AHCYL2: variants seen among roughly 807,000 people sequenced by gnomAD.
AHCYL2 encodes the protein S-adenosylhomocysteine hydrolase-like protein 2.
AHCYL2 carries 28 observed loss-of-function variants against 81.4 expected under a neutral mutation model. The observed-to-expected ratio is 0.34, with a 90% CI of 0.25 to 0.47. AHCYL2 has a LOEUF of 0.47. Among genes scored for constraint, AHCYL2 ranks in the 20% least tolerant of loss-of-function variants. The pLI is 1.00. For missense variants in AHCYL2, 551 were observed against 785.1 expected (o/e 0.70, Z 3.56); for synonymous variants, 272 against 290.2 (o/e 0.94, Z 0.64).
chr7:129,254,743 G>A (rs1795353105), intron 1 of AHCYL2, among the ~76,000 whole-genome samples: 1 of 152,260 alleles, frequency 6.6e-6, no homozygotes, highest in African/African-American at 2.4e-5. Flanking sequence ...TCATTTCAGA[G>A]AAGATAGAAC....
chr7:129,276,776 G>T (rs1796225392), intron 1 of AHCYL2, among the ~76,000 whole-genome samples: 1 of 136,900 alleles, frequency 7.3e-6, no homozygotes, highest in African/African-American at 2.6e-5. Flanking sequence ...AGATATAAAA[G>T]AATTAACAGC....
chr7:129,399,912 A>C lies in AHCYL2; in HGVS notation c.824-378A>C, dbSNP rs1437924302. On this transcript the variant is annotated intron_variant, in intron 5 of 16. Coordinates refer to ENST00000325006, the MANE Select transcript of AHCYL2 (RefSeq NM_015328.4). ...CAACTAATTTTTGTATTTTTAGTAG[A>C]AACAGGTTTCATCATGTTGGCCAGG... 5.3e-5 allele frequency among the ~76,000 whole-genome samples: 8 copies of C among 152,108 alleles called. No individual in the cohort carries two copies. The East Asian group carries it at 1.6e-3, about 29-fold the overall frequency.
intron 1 of AHCYL2, among the ~76,000 whole-genome samples, chr7:129,307,879 C>A (rs36016296): frequency 0.025 from 3,740 of 151,844 alleles, 76 homozygotes; most frequent in Admixed American, 0.058. Context: ...TAGAAATGTC[C>A]GGGAGCTAGG....
At chr7:129,252,781 C>CTAGG (rs1043719805) in intron 1 of AHCYL2, among the ~76,000 whole-genome samples, 8 of 151,564 alleles carry the variant, frequency 5.3e-5, no homozygotes, top group Admixed American at 3.9e-4. Flanking sequence ...TGATTGATAG[C>CTAGG]TAGGTAGGTA....
chr7:129,343,019 C>T (rs954001962), intron 1 of AHCYL2, among the ~76,000 whole-genome samples: 3 of 152,150 alleles, frequency 2.0e-5, no homozygotes, highest in Non-Finnish European at 4.4e-5. Flanking sequence ...GGGAAGTATA[C>T]TATGGGGATA....
At chr7:129,328,463 A>G (rs557544153) in intron 1 of AHCYL2, among the ~76,000 whole-genome samples, 4 of 151,550 alleles carry the variant, frequency 2.6e-5, no homozygotes, top group African/African-American at 9.7e-5. Flanking sequence ...GGCTTGAGCC[A>G]CTGCGCCCTT....
In AHCYL2 at chr7:129,359,029, A is replaced by G. The variant is rs556538513; in HGVS notation, c.364-20609A>G. On this transcript the variant is annotated intron_variant, in intron 1 of 16. Transcript: ENST00000325006. The stretch of plus-strand genomic sequence containing the variant: ...TATATATCCGTAGAAATATTTTCAT[A>G]TGGGTACCGAAAGACATACAAGAAT... Among the ~76,000 whole-genome samples the G allele has an allele frequency of 3.3e-5, 5 of 152,334 alleles. No homozygotes were observed. The South Asian group carries it at 1.0e-3, about 32-fold the overall frequency.
At chr7:129,352,937 CTTT>C (rs59762582) in intron 1 of AHCYL2, among the ~76,000 whole-genome samples, 6 of 82,550 alleles carry the variant, frequency 7.3e-5, no homozygotes, top group Middle Eastern at 8.6e-3. Flanking sequence ...CCTCCTCATT[CTTT>C]TTTTTTTTTT....
At chr7:129,237,306 A>G in intron 1 of AHCYL2, among the ~76,000 whole-genome samples, 1 of 152,334 alleles carries the variant, frequency 6.6e-6, no homozygotes, top group Middle Eastern at 3.4e-3. Flanking sequence ...TATTTGTAAT[A>G]TGAGATAGCT....
chr7:129,306,668 G>C (rs1254718534), intron 1 of AHCYL2, among the ~76,000 whole-genome samples: 1 of 152,052 alleles, frequency 6.6e-6, no homozygotes, highest in Non-Finnish European at 1.5e-5. Context: ...TCAGTGTCTG[G>C]GCATTGAAGA....
intron 1 of AHCYL2, among the ~76,000 whole-genome samples, chr7:129,280,721 A>G (rs1045297035): frequency 6.6e-6 from 1 of 151,720 alleles, no homozygotes; most frequent in African/African-American, 2.4e-5. Flanking sequence ...CCCCTTTATC[A>G]TGTTGAGAAA....
chr7:129,254,644 C>T (rs1187753751), intron 1 of AHCYL2, among the ~76,000 whole-genome samples: 1 of 152,178 alleles, frequency 6.6e-6, no homozygotes, highest in Non-Finnish European at 1.5e-5. Flanking sequence ...CTTTGTGGCA[C>T]CATACTCCTG....
intron 1 of AHCYL2, among the ~76,000 whole-genome samples, chr7:129,237,847 G>C (rs112252646): frequency 6.6e-6 from 1 of 151,928 alleles, no homozygotes; most frequent in Non-Finnish European, 1.5e-5. Flanking sequence ...CCTCCCGAGT[G>C]GCTGGGATTA....
chr7:129,385,038 G>A (rs943054590), intron 2 of AHCYL2, among the ~76,000 whole-genome samples: 8 of 152,210 alleles, frequency 5.3e-5, no homozygotes, highest in African/African-American at 1.9e-4. Context: ...ATATATTTCT[G>A]AATAAGCTGT....
At chr7:129,412,572 C>T (rs1008819167) in intron 11 of AHCYL2, among the ~76,000 whole-genome samples, 21 of 151,854 alleles carry the variant, frequency 1.4e-4, no homozygotes, top group Admixed American at 5.2e-4. Flanking sequence ...TGAGCCACTG[C>T]GCCTGGCTGG....
At chr7:129,282,950 C>G (rs571172910) in intron 1 of AHCYL2, among the ~76,000 whole-genome samples, 1 of 152,252 alleles carries the variant, frequency 6.6e-6, no homozygotes, top group South Asian at 2.1e-4. Context: ...TACTCTACCT[C>G]GTGCCTTGTT....
intron 1 of AHCYL2, among the ~76,000 whole-genome samples, chr7:129,339,987 C>T (rs1357968794): frequency 3.0e-5 from 4 of 131,396 alleles, no homozygotes; most frequent in Non-Finnish European, 6.1e-5. Flanking sequence ...GACGTGATCT[C>T]GGCTCACTGC....
chr7:129,337,407 T>A (rs969965241), intron 1 of AHCYL2, among the ~76,000 whole-genome samples: 68 of 152,202 alleles, frequency 4.5e-4, no homozygotes, highest in African/African-American at 1.5e-3. Flanking sequence ...ATTTTTATTT[T>A]TTATTTTTTT....
intron 1 of AHCYL2, among the ~76,000 whole-genome samples, chr7:129,329,482 C>T (rs1298605551): frequency 6.6e-6 from 1 of 152,172 alleles, no homozygotes; most frequent in Non-Finnish European, 1.5e-5. Context: ...AGCCACCATG[C>T]CTGGTCTATT....
Sources: gnomAD v4.1 joint callset for allele counts (sites outside exome capture counted in the v4.1 genomes callset) on GRCh38, gnomAD v4.1.1 for gene constraint, MANE v1.5 for transcripts, NCBI Gene and HGNC (gene_info 2026-07-23, HGNC 2026-07-21) for gene names.